The following NOSTRIN variants were observed in gnomAD, a reference collection of about 807,000 sequenced individuals.
NOSTRIN encodes nitric oxide synthase trafficking.
A neutral mutation model predicts 59.0 loss-of-function variants in NOSTRIN; 63 were observed. The observed-to-expected ratio is 1.07, with a 90% CI of 0.87 to 1.32. The LOEUF (loss-of-function observed/expected upper bound fraction) is 1.32. NOSTRIN is among the 40% of genes most tolerant of loss of function. The pLI is 0.00. For synonymous variants in NOSTRIN, 200 were observed against 165.4 expected (o/e 1.21, Z -1.61); for missense variants, 512 against 473.1 (o/e 1.08, Z -0.76).
chr2:168,797,189 AG>A (rs1273001554), upstream of NOSTRIN, among the ~76,000 whole-genome samples: 1 of 144,640 alleles, frequency 6.9e-6, no homozygotes, highest in East Asian at 2.1e-4. Context: ...CCCCAAGCTC[AG>A]GTGATCCTCC....
At chr2:168,854,875 G>C (rs528085285) in intron 10 of NOSTRIN, among the ~76,000 whole-genome samples, 4 of 152,144 alleles carry the variant, frequency 2.6e-5, no homozygotes, top group Non-Finnish European at 5.9e-5. Context: ...ATTCTGGAAA[G>C]AGCATATGTG....
rs1377050813 is a variant in NOSTRIN, at chr2:168,855,289, T to C, written c.856-63T>C. 4 of 771,278 alleles carry C rather than the reference T, an allele frequency of 5.2e-6. No individual in the cohort carries two copies. The East Asian group carries it at 1.1e-4, about 21-fold the overall frequency. 47.8% of individuals were successfully genotyped at this position (771,278 alleles called of 1,614,324 possible). A position where few individuals can be genotyped will look rare whatever the true frequency, so the allele number is the denominator to read the frequency against. ...AATGCAGCCAGTGGAAGTATCAGAA[T>C]GGACAGGGAATAGCAACTCTTACTT... On this transcript the variant is annotated intron_variant, in intron 10 of 15. Coordinates refer to ENST00000317647, the MANE Select transcript of NOSTRIN (RefSeq NM_001039724.4).
chr2:168,814,416 C>T (rs768803484), intron 2 of NOSTRIN, among the ~76,000 whole-genome samples: 5 of 152,220 alleles, frequency 3.3e-5, no homozygotes, highest in Admixed American at 6.5e-5. Context: ...AGATTCCCAC[C>T]AGCTATCTAG....
chr2:168,827,650 T>C (rs1687127189), intron 3 of NOSTRIN, among the ~76,000 whole-genome samples: 1 of 152,080 alleles, frequency 6.6e-6, no homozygotes, highest in Non-Finnish European at 1.5e-5. Flanking sequence ...CATAGCTCAC[T>C]GTAGCTTCCT....
chr2:168,829,616 C>T (rs1054202959), intron 5 of NOSTRIN, among the ~76,000 whole-genome samples: 4 of 152,196 alleles, frequency 2.6e-5, no homozygotes, highest in Non-Finnish European at 4.4e-5. Context: ...CCACTGCCCT[C>T]GGCCTAGAAC....
chr2:168,845,790 C>CTTCTTTT lies in NOSTRIN; in HGVS notation c.630+2675_630+2676insCTTTTTT, dbSNP rs36186706. ...AGACCTAGTTTTAGTTTTTTTCTTC[C>CTTCTTTT]TTTTTTTTTTTTTTTTTGTTAGAAT... On this transcript the variant is annotated intron_variant, in intron 8 of 15. Transcript: ENST00000317647. 5.2e-4 allele frequency among the ~76,000 whole-genome samples: 73 copies of CTTCTTTT among 140,628 alleles called. 3 individuals carry two copies. The highest frequency in any genetic ancestry group is 1.5e-3 in the African/African-American group (55 of 37,428). 92.3% of individuals were successfully genotyped at this position (140,628 alleles called of 152,430 possible).
chr2:168,808,991 T>A (rs934819350), intron 1 of NOSTRIN, among the ~76,000 whole-genome samples: 1 of 152,218 alleles, frequency 6.6e-6, no homozygotes, highest in African/African-American at 2.4e-5. Context: ...ATGTGTATTA[T>A]TATTTTCTGT....
chr2:168,792,607 A>G (rs1685386228), intron 2 of NOSTRIN, among the ~76,000 whole-genome samples: 1 of 151,726 alleles, frequency 6.6e-6, no homozygotes. Flanking sequence ...TTAACACCAC[A>G]CTCAGCTAAT....
chr2:168,793,257 T>C (rs1379290774), upstream of NOSTRIN, among the ~76,000 whole-genome samples: 2 of 152,182 alleles, frequency 1.3e-5, no homozygotes, highest in African/African-American at 4.8e-5. Flanking sequence ...CTAATCCTTA[T>C]CTCAGTTCTC....
In NOSTRIN at chr2:168,865,107, TG is replaced by T. The variant is rs1405774814; in HGVS notation, c.*138del. On this transcript the variant is annotated 3_prime_UTR_variant, in exon 16 of 16. Coordinates refer to ENST00000317647, the MANE Select transcript of NOSTRIN (RefSeq NM_001039724.4). ...GTTCTACCTGCATGTCACAGCACTT[TG>T]CATTCATGATTATTAGCTTGAAACA... 1 of 877,468 alleles carries T rather than the reference TG, an allele frequency of 1.1e-6. No homozygotes were observed. The highest frequency in any genetic ancestry group is 1.7e-6 in the Non-Finnish European group (1 of 584,302). 54.4% of individuals were successfully genotyped at this position (877,468 alleles called of 1,614,324 possible).
At chr2:168,818,194 C>A (rs1410483774) in intron 2 of NOSTRIN, 1 of 385,294 alleles carries the variant, frequency 2.6e-6, no homozygotes. Flanking sequence ...CATTCTGCTG[C>A]TCAGGCTGGA....
At chr2:168,836,397 C>G (rs1038738040) in intron 7 of NOSTRIN, among the ~76,000 whole-genome samples, 1 of 152,266 alleles carries the variant, frequency 6.6e-6, no homozygotes, top group African/African-American at 2.4e-5. Context: ...TCTCCTCCAG[C>G]TGGTAACCAT....
chr2:168,838,564 C>T (rs1017576176), intron 7 of NOSTRIN, among the ~76,000 whole-genome samples: 1 of 151,952 alleles, frequency 6.6e-6, no homozygotes, highest in Non-Finnish European at 1.5e-5. Flanking sequence ...AATATCTTTG[C>T]TTTTGTCTAT....
At chr2:168,817,427 G>A (rs1174017618) in intron 2 of NOSTRIN, among the ~76,000 whole-genome samples, 1 of 152,224 alleles carries the variant, frequency 6.6e-6, no homozygotes, top group Non-Finnish European at 1.5e-5. Context: ...AGTGGGCAGG[G>A]CTCTGCTTCC....
chr2:168,815,118 G>C (rs1686331284), intron 2 of NOSTRIN, among the ~76,000 whole-genome samples: 1 of 152,126 alleles, frequency 6.6e-6, no homozygotes, highest in Admixed American at 6.5e-5. Context: ...CCAGGCCAGA[G>C]AATGTTTCCT....
At chr2:168,828,334 A>T in intron 4 of NOSTRIN, 86 bp from the exon 5 acceptor site, 1 of 862,768 alleles carries the variant, frequency 1.2e-6, no homozygotes. Flanking sequence ...TCCATAACAC[A>T]CTATTTTATT....
intron 1 of NOSTRIN, among the ~76,000 whole-genome samples, chr2:168,806,866 T>G (rs1685875547): frequency 6.6e-6 from 1 of 152,202 alleles, no homozygotes; most frequent in Non-Finnish European, 1.5e-5. Flanking sequence ...CAAGCTCTTC[T>G]TCTTGTGCTG....
chr2:168,834,541 A>ACACACACACCCC (rs58702721), intron 7 of NOSTRIN, among the ~76,000 whole-genome samples: 6 of 140,358 alleles, frequency 4.3e-5, no homozygotes, highest in Non-Finnish European at 7.8e-5. Flanking sequence ...ACACACACAC[A>ACACACACACCCC]CCACATACAT....
At chr2:168,809,861 G>A (rs1391608141) in intron 1 of NOSTRIN, among the ~76,000 whole-genome samples, 1 of 151,982 alleles carries the variant, frequency 6.6e-6, no homozygotes, top group African/African-American at 2.4e-5. Flanking sequence ...ATGACTGACA[G>A]GAGGATTATT....
Sources: gnomAD v4.1 joint callset for allele counts (sites outside exome capture counted in the v4.1 genomes callset) on GRCh38, gnomAD v4.1.1 for gene constraint, MANE v1.5 for transcripts, NCBI Gene and HGNC (gene_info 2026-07-23, HGNC 2026-07-21) for gene names.